The following CNTN5 variants were observed in gnomAD, a reference collection of about 807,000 sequenced individuals.
The protein encoded by CNTN5 is contactin 5, also known as contactin-5.
A neutral mutation model predicts 129.1 loss-of-function variants in CNTN5; 77 were observed. The ratio of observed to expected loss-of-function variants is 0.60; its 90% CI spans 0.50 to 0.72. CNTN5 has a LOEUF of 0.72. Ranked by LOEUF, CNTN5 falls within the 30% of genes least tolerant of loss-of-function variation. CNTN5 has a pLI of 0.00. For missense variants in CNTN5, 1,478 were observed against 1,328.8 expected (o/e 1.11, Z -1.75); for synonymous variants, 509 against 465.6 (o/e 1.09, Z -1.20).
At position 99,137,062 on chromosome 11, in the gene CNTN5, T is replaced by TA. The variant is rs914555212; in HGVS notation, c.-210+115797dup. ...CATTCTTGCTGATGTTTGTCAAGAA[T>TA]AAAAATGATTATGCTATATAACCAT... On this transcript the variant is annotated intron_variant, in intron 1 of 24. Coordinates refer to ENST00000524871, the MANE Select transcript of CNTN5 (RefSeq NM_014361.4). Among the ~76,000 whole-genome samples, 26 of 152,276 alleles carry TA rather than the reference T, an allele frequency of 1.7e-4. 1 individual carries two copies. The highest frequency in any genetic ancestry group is 5.5e-4 in the African/African-American group (23 of 41,576).
At chr11:99,656,090 G>C (rs1278934789) in intron 3 of CNTN5, among the ~76,000 whole-genome samples, 1 of 151,966 alleles carries the variant, frequency 6.6e-6, no homozygotes, top group Non-Finnish European at 1.5e-5. Flanking sequence ...GTGTGTTATT[G>C]TGGAGCCTCT....
chr11:99,586,319 TGACATAACTCAGCATAATAACG>T (rs750592518), intron 3 of CNTN5, among the ~76,000 whole-genome samples: 77 of 152,154 alleles, frequency 5.1e-4, no homozygotes, highest in Non-Finnish European at 7.4e-4. Flanking sequence ...GCATAATAAC[TGACATAACTCAGCATAATAACG>T]GACATAACTC....
intron 1 of CNTN5, among the ~76,000 whole-genome samples, chr11:99,117,177 A>C (rs1259517232): frequency 2.6e-5 from 4 of 152,174 alleles, no homozygotes. Context: ...GAGGAAAAAA[A>C]TGGTGATGTT....
intron 9 of CNTN5, among the ~76,000 whole-genome samples, chr11:100,005,607 A>T (rs915355818): frequency 1.3e-5 from 2 of 152,174 alleles, no homozygotes; most frequent in African/African-American, 2.4e-5. Context: ...TTCTCAAAGC[A>T]TATTTTCATG....
At chr11:99,714,913 A>G (rs1488009145) in intron 3 of CNTN5, among the ~76,000 whole-genome samples, 2 of 150,980 alleles carry the variant, frequency 1.3e-5, no homozygotes, top group East Asian at 2.0e-4. Context: ...AATGTAAAGC[A>G]CTATTGAGAG....
intron 1 of CNTN5, among the ~76,000 whole-genome samples, chr11:99,209,430 G>A (rs537931506): frequency 1.3e-5 from 2 of 152,098 alleles, no homozygotes; most frequent in Admixed American, 6.6e-5. Flanking sequence ...GAGACCAGGA[G>A]CAAGAGAGAG....
intron 17 of CNTN5, among the ~76,000 whole-genome samples, chr11:100,263,190 G>C (rs921468432): frequency 4.6e-5 from 7 of 152,122 alleles, no homozygotes; most frequent in African/African-American, 1.7e-4. Context: ...GTCTACAGAA[G>C]AGAATCTTTA....
intron 3 of CNTN5, among the ~76,000 whole-genome samples, chr11:99,759,715 GAGA>G (rs1166619366): frequency 6.6e-6 from 1 of 151,358 alleles, no homozygotes; most frequent in African/African-American, 2.4e-5. Context: ...GAGGGAAAGA[GAGA>G]AGGAGAGGGA....
intron 3 of CNTN5, among the ~76,000 whole-genome samples, chr11:99,602,616 C>T (rs1950348799): frequency 1.3e-5 from 2 of 151,664 alleles, no homozygotes; most frequent in South Asian, 2.1e-4. Context: ...GCTCCCACTA[C>T]TTTATGGGAA....
chr11:100,107,015 A>G (rs942445595), intron 13 of CNTN5, among the ~76,000 whole-genome samples: 1 of 152,302 alleles, frequency 6.6e-6, no homozygotes, highest in African/African-American at 2.4e-5. Flanking sequence ...CTACAGTCAT[A>G]CCTATTTATG....
chr11:99,834,794 G>C (rs952357008), intron 4 of CNTN5, among the ~76,000 whole-genome samples: 1 of 152,060 alleles, frequency 6.6e-6, no homozygotes, highest in Non-Finnish European at 1.5e-5. Context: ...TAACAAAAGA[G>C]TAAGGGAAAA....
At chr11:100,170,637 C>G (rs1192536809) in intron 13 of CNTN5, among the ~76,000 whole-genome samples, 3 of 151,956 alleles carry the variant, frequency 2.0e-5, no homozygotes, top group African/African-American at 7.2e-5. Flanking sequence ...GTGATTATCT[C>G]AAACGCACTG....
At chr11:100,088,134 T>C (rs181945680) in intron 13 of CNTN5, among the ~76,000 whole-genome samples, 1 of 151,720 alleles carries the variant, frequency 6.6e-6, no homozygotes, top group East Asian at 1.9e-4. Context: ...AAAGATGACA[T>C]TATCACCAAT....
rs1280031156 is a variant in CNTN5 at position 99,444,710 on chromosome 11, A to T, written c.-70-111435A>T. ...AGTATAGATATACTTACATACATATATGTATACATATATATTTGGCCTGTG... is the reference window on the plus strand; with the variant it reads ...AGTATAGATATACTTACATACATATTTGTATACATATATATTTGGCCTGTG... On this transcript the variant is annotated intron_variant, in intron 2 of 24. Transcript: ENST00000524871. 3.3e-5 allele frequency among the ~76,000 whole-genome samples: 5 copies of T among 152,218 alleles called. No homozygotes were observed. In the East Asian group the frequency reaches 7.7e-4, roughly 23 times the overall value.
intron 1 of CNTN5, among the ~76,000 whole-genome samples, chr11:99,233,801 T>C (rs959528020): frequency 8.6e-5 from 13 of 151,794 alleles, no homozygotes; most frequent in African/African-American, 3.1e-4. Flanking sequence ...AAAAAATTAG[T>C]CGGGCATGGT....
intron 2 of CNTN5, among the ~76,000 whole-genome samples, chr11:99,503,307 G>A (rs981063098): frequency 2.0e-5 from 3 of 152,114 alleles, no homozygotes; most frequent in South Asian, 4.1e-4. Context: ...TGTCAAAACC[G>A]GGTGATCCAT....
chr11:100,350,992 T>G (rs1952398709), intron 24 of CNTN5, 122 bp downstream of exon 24: 1 of 670,960 alleles, frequency 1.5e-6, no homozygotes, highest in African/African-American at 1.8e-5. Context: ...TTCTCCTCTC[T>G]GATTTTTATA....
At chr11:99,916,543 G>A (rs1949794292) in intron 7 of CNTN5, among the ~76,000 whole-genome samples, 1 of 152,078 alleles carries the variant, frequency 6.6e-6, no homozygotes, top group African/African-American at 2.4e-5. Context: ...TGGATACTTA[G>A]TTGTTTATGG....
At chr11:99,724,888 T>C (rs1943287413) in intron 3 of CNTN5, among the ~76,000 whole-genome samples, 1 of 152,172 alleles carries the variant, frequency 6.6e-6, no homozygotes, top group African/African-American at 2.4e-5. Flanking sequence ...GAAAAAAATG[T>C]AAAGGACTCA....
Sources: allele counts gnomAD v4.1 joint callset (sites outside exome capture counted in the v4.1 genomes callset), GRCh38; gene constraint gnomAD v4.1.1; transcripts MANE v1.5; gene names NCBI Gene and HGNC (gene_info 2026-07-23, HGNC 2026-07-21).